LIMS1: variants seen among roughly 807,000 people sequenced by gnomAD.
The protein encoded by LIMS1 is LIM and senescent cell antigen-like-containing domain protein 1.
LIMS1 carries 18 observed loss-of-function variants against 44.1 expected under a neutral mutation model. That is an observed-to-expected ratio of 0.41 (90% CI 0.28 to 0.61). The LOEUF (loss-of-function observed/expected upper bound fraction) is 0.61, where lower values mean the gene tolerates loss of function less well. Among genes scored for constraint, LIMS1 ranks in the 20% least tolerant of loss-of-function variants. LIMS1 has a pLI of 0.32. For synonymous variants in LIMS1, 93 were observed against 149.1 expected, an observed-to-expected ratio of 0.62 and a Z score of 2.74; for missense variants, 201 against 422.0, an observed-to-expected ratio of 0.48 and a Z score of 4.59.
chr2:108,562,585 A>G (rs371119482), intron 1 of LIMS1, among the ~76,000 whole-genome samples: 47 of 152,228 alleles, frequency 3.1e-4, no homozygotes, highest in East Asian at 9.6e-4. Flanking sequence ...CTTCAATTCT[A>G]TGAAGGTGGA....
Position 108,576,784 on chromosome 2 carries a change from G to A in LIMS1, c.32+42190G>A, listed in dbSNP as rs76460335. Among the ~76,000 whole-genome samples, 761 of 152,216 alleles carry A rather than the reference G, an allele frequency of 5.0e-3. 6 individuals carry two copies. The highest frequency in any genetic ancestry group is 0.017 in the African/African-American group (722 of 41,524). On this transcript the variant is annotated intron_variant, in intron 1 of 9. Coordinates refer to ENST00000544547, the Ensembl canonical transcript of LIMS1. ...AAGGGACAAAGTTCCCAGTCTCAGAGGTTATAATCTAGTAGGGAAGAGTAA... is the reference window on the plus strand; with the variant it reads ...AAGGGACAAAGTTCCCAGTCTCAGAAGTTATAATCTAGTAGGGAAGAGTAA...
At chr2:108,591,721 A>G (rs573130232) in intron 1 of LIMS1, among the ~76,000 whole-genome samples, 29 of 152,082 alleles carry the variant, frequency 1.9e-4, no homozygotes, top group Admixed American at 1.7e-3. Context: ...TGGCCTCTCA[A>G]CATGCTGAGA....
At chr2:108,609,165 G>T (rs899731501) in intron 1 of LIMS1, among the ~76,000 whole-genome samples, 1 of 152,116 alleles carries the variant, frequency 6.6e-6, no homozygotes, top group African/African-American at 2.4e-5. Context: ...TTCTCATTTG[G>T]GGCATGATCT....
intron 1 of LIMS1, among the ~76,000 whole-genome samples, chr2:108,584,201 G>A (rs1176939825): frequency 6.6e-6 from 1 of 152,160 alleles, no homozygotes; most frequent in Admixed American, 6.5e-5. Flanking sequence ...GAGCCAGCCT[G>A]TGTTTGCTAA....
chr2:108,569,170 C>T (rs752641688), intron 1 of LIMS1, among the ~76,000 whole-genome samples: 8 of 152,128 alleles, frequency 5.3e-5, no homozygotes, highest in Non-Finnish European at 8.8e-5. Flanking sequence ...GGATTACAGG[C>T]GTGAGCCACC....
At chr2:108,650,081 G>A (rs573538420) in intron 1 of LIMS1, among the ~76,000 whole-genome samples, 7 of 152,144 alleles carry the variant, frequency 4.6e-5, no homozygotes, top group Non-Finnish European at 5.9e-5. Flanking sequence ...CTATTCAGAC[G>A]AATCTGACTT....
At chr2:108,557,230 ACCGTG>A (rs1394843454) in intron 1 of LIMS1, among the ~76,000 whole-genome samples, 2 of 151,974 alleles carry the variant, frequency 1.3e-5, no homozygotes, top group Admixed American at 6.6e-5. Context: ...GGCGCACACT[ACCGTG>A]CCTGGCTAAT....
intron 1 of LIMS1, among the ~76,000 whole-genome samples, chr2:108,588,079 A>AT (rs962450370): frequency 2.0e-5 from 3 of 152,038 alleles, no homozygotes; most frequent in Non-Finnish European, 4.4e-5. Flanking sequence ...TCAGTTATTC[A>AT]TTTTTCTAAA....
chr2:108,560,340 G>A lies in LIMS1; in HGVS notation c.32+25746G>A, dbSNP rs902373964. On this transcript the variant is annotated intron_variant, in intron 1 of 9. Transcript: ENST00000544547. ...CTCCATTTTACCCTAAGGAAAAGCCGTAGTCTTTAGAGAGACCCATGAGGC... is the reference window on the plus strand; with the variant it reads ...CTCCATTTTACCCTAAGGAAAAGCCATAGTCTTTAGAGAGACCCATGAGGC... 3.9e-5 allele frequency among the ~76,000 whole-genome samples: 6 copies of A among 152,226 alleles called. No homozygotes were observed. In the East Asian group the frequency reaches 1.2e-3, roughly 29 times the overall value.
At chr2:108,542,171 G>T (rs898031837) in intron 1 of LIMS1, among the ~76,000 whole-genome samples, 12 of 152,076 alleles carry the variant, frequency 7.9e-5, no homozygotes, top group African/African-American at 2.9e-4. Flanking sequence ...CATTTTCTTT[G>T]GTTTAGCTTG....
In LIMS1 at chr2:108,621,343, G is replaced by A. The variant is rs895088977; in HGVS notation, c.33-38262G>A. ...GCTTTAAAGTGTCAGCAATTGATGT[G>A]TGGAGAGAAGTATGACTGCATTACA... On this transcript the variant is annotated intron_variant, in intron 1 of 9. Coordinates refer to ENST00000544547, the Ensembl canonical transcript of LIMS1. 1.5e-5 allele frequency: 24 copies of A among 1,549,946 alleles called. No individual in the cohort carries two copies. The Middle Eastern group carries it at 5.0e-4, about 32-fold the overall frequency.
In LIMS1 at chr2:108,551,945, G is replaced by GTATATATATATATATATATATATA. The variant is rs1354548064; in HGVS notation, c.32+17352_32+17353insATATATATATATATATATATATAT. 7.3e-5 allele frequency among the ~76,000 whole-genome samples: 7 copies of GTATATATATATATATATATATATA among 96,348 alleles called. No homozygotes were observed. The East Asian group carries it at 2.8e-3, about 39-fold the overall frequency. 63.2% of individuals were successfully genotyped at this position (96,348 alleles called of 152,430 possible). A position where few individuals can be genotyped will look rare whatever the true frequency, so the allele number is the denominator to read the frequency against. On this transcript the variant is annotated intron_variant, in intron 1 of 9. Transcript: ENST00000544547. The stretch of plus-strand genomic sequence containing the variant: ...TGTGTATATATGTGTGTGTGTGTGT[G>GTATATATATATATATATATATATA]TGTGTGTGTATATATATATATATAT...
intron 1 of LIMS1, among the ~76,000 whole-genome samples, chr2:108,611,933 C>T (rs1028699723): frequency 7.2e-6 from 1 of 139,056 alleles, no homozygotes; most frequent in African/African-American, 2.7e-5. Flanking sequence ...TATATATATA[C>T]ATATATAAAA....
intron 1 of LIMS1, among the ~76,000 whole-genome samples, chr2:108,594,746 C>G (rs1041648182): frequency 5.3e-5 from 8 of 152,078 alleles, no homozygotes; most frequent in African/African-American, 1.9e-4. Context: ...TCATCATGTC[C>G]AAGCTATATA....
At chr2:108,678,598 A>G (rs995268044) in intron 8 of LIMS1, 1 of 152,562 alleles carries the variant, frequency 6.6e-6, no homozygotes, top group Non-Finnish European at 1.5e-5. Flanking sequence ...TGCAGACATC[A>G]CCTAATTCAG....
At chr2:108,619,104 C>CA (rs769582119) in intron 1 of LIMS1, among the ~76,000 whole-genome samples, 9 of 152,110 alleles carry the variant, frequency 5.9e-5, no homozygotes, top group Non-Finnish European at 1.2e-4. Flanking sequence ...ATTCATCCTA[C>CA]ACAGTTAGGT....
chr2:108,552,263 C>A (rs1343000865), intron 1 of LIMS1, among the ~76,000 whole-genome samples: 1 of 133,466 alleles, frequency 7.5e-6, no homozygotes, highest in East Asian at 2.1e-4. Context: ...ATATACTACA[C>A]GTATAGTATA....
chr2:108,608,973 T>C (rs1419648867), intron 1 of LIMS1, among the ~76,000 whole-genome samples: 1 of 152,222 alleles, frequency 6.6e-6, no homozygotes, highest in African/African-American at 2.4e-5. Flanking sequence ...TTTTGTGCTA[T>C]ATTTTAACTT....
intron 1 of LIMS1, chr2:108,588,409 C>G: frequency 1.0e-5 from 10 of 985,308 alleles, no homozygotes; most frequent in Non-Finnish European, 1.2e-5. Context: ...TGAAACTGGC[C>G]TCCCAAGCCC....
Sources: allele counts gnomAD v4.1 joint callset (sites outside exome capture counted in the v4.1 genomes callset), GRCh38; gene constraint gnomAD v4.1.1; transcripts MANE v1.5; gene names NCBI Gene and HGNC (gene_info 2026-07-23, HGNC 2026-07-21).